The following ANKS1B variants were observed in gnomAD, a reference collection of about 807,000 sequenced individuals.
ANKS1B encodes the protein ankyrin repeat and sterile alpha motif domain containing 1B.
Under a neutral mutation model 148.3 loss-of-function variants are expected in ANKS1B, and 36 were observed. The ratio of observed to expected loss-of-function variants is 0.24; its 90% CI spans 0.19 to 0.32. The LOEUF (loss-of-function observed/expected upper bound fraction) is 0.32. Ranked by LOEUF, ANKS1B falls within the 10% of genes least tolerant of loss-of-function variation. The pLI is 1.00. For synonymous variants in ANKS1B, 542 were observed against 560.8 expected, an observed-to-expected ratio of 0.97 and a Z score of 0.47; for missense variants, 1,157 against 1,542.6, an observed-to-expected ratio of 0.75 and a Z score of 4.19.
Position 99,374,091 on chromosome 12 carries a change from C to A in ANKS1B, c.1756+25540G>T, listed in dbSNP as rs975169101. 2.6e-5 allele frequency among the ~76,000 whole-genome samples: 4 copies of A among 152,078 alleles called. No homozygotes were observed. The South Asian group carries it at 8.3e-4, about 32-fold the overall frequency. On this transcript the variant is annotated intron_variant, in intron 12 of 26. Coordinates refer to ENST00000683438, the MANE Select transcript of ANKS1B (RefSeq NM_001352186.2). Reference sequence around the variant, plus strand: ...CTGATCTAGCTTAGGTTGTTTTAATCCAAAGAATGTGCTGATTGAGACTTT... The same window carrying A: ...CTGATCTAGCTTAGGTTGTTTTAATACAAAGAATGTGCTGATTGAGACTTT...
intron 12 of ANKS1B, among the ~76,000 whole-genome samples, chr12:99,302,594 G>A (rs1005059183): frequency 1.3e-5 from 2 of 152,052 alleles, no homozygotes; most frequent in Non-Finnish European, 2.9e-5. Context: ...GATATGTTAG[G>A]CACATGAATT....
At chr12:99,603,189 G>A (rs2097820336) in intron 9 of ANKS1B, among the ~76,000 whole-genome samples, 1 of 152,024 alleles carries the variant, frequency 6.6e-6, no homozygotes, top group East Asian at 1.9e-4. Context: ...TTACAGGCAT[G>A]TGCATATTGG....
Position 98,949,072 on chromosome 12 carries a change from C to A in ANKS1B, c.2778+104085G>T, listed in dbSNP as rs143526019. 1.0e-4 allele frequency among the ~76,000 whole-genome samples: 15 copies of A among 150,340 alleles called. No individual in the cohort carries two copies. In the East Asian group the frequency reaches 2.8e-3, roughly 28 times the overall value. ...GGTTCAAGGGATTCTCCTGCCTCAGCCTCCCAAGTAGCTGGGACTACAGGC... is the reference window on the plus strand; with the variant it reads ...GGTTCAAGGGATTCTCCTGCCTCAGACTCCCAAGTAGCTGGGACTACAGGC... On this transcript the variant is annotated intron_variant, in intron 17 of 26. Transcript: ENST00000683438.
At chr12:99,722,831 G>T (rs540283813) in intron 8 of ANKS1B, among the ~76,000 whole-genome samples, 1 of 152,338 alleles carries the variant, frequency 6.6e-6, no homozygotes, top group Admixed American at 6.5e-5. Flanking sequence ...AGGTATCCAG[G>T]TTCTCTCATC....
At chr12:99,451,607 TA>T (rs2095738265) in intron 10 of ANKS1B, among the ~76,000 whole-genome samples, 1 of 152,152 alleles carries the variant, frequency 6.6e-6, no homozygotes, top group African/African-American at 2.4e-5. Flanking sequence ...TCAGTTTGAA[TA>T]AAATATAATA....
At chr12:99,498,148 T>C (rs2096621668) in intron 10 of ANKS1B, among the ~76,000 whole-genome samples, 1 of 152,164 alleles carries the variant, frequency 6.6e-6, no homozygotes, top group African/African-American at 2.4e-5. Context: ...TCTTGCTGAG[T>C]GTATGCACTG....
At chr12:99,911,265 T>A (rs2093996779) in intron 1 of ANKS1B, among the ~76,000 whole-genome samples, 1 of 152,174 alleles carries the variant, frequency 6.6e-6, no homozygotes, top group African/African-American at 2.4e-5. Flanking sequence ...CAGACAGGCA[T>A]CTAACAGAGT....
At chr12:99,023,515 T>C (rs2099947021) in intron 17 of ANKS1B, among the ~76,000 whole-genome samples, 1 of 152,052 alleles carries the variant, frequency 6.6e-6, no homozygotes, top group Non-Finnish European at 1.5e-5. Flanking sequence ...CTCCTTCTCT[T>C]AGGTAATATC....
chr12:99,369,717 GATAA>G (rs1418150567), intron 12 of ANKS1B, among the ~76,000 whole-genome samples: 1 of 152,000 alleles, frequency 6.6e-6, no homozygotes, highest in Middle Eastern at 3.4e-3. Context: ...TAGAAAGATA[GATAA>G]ATAGACAGAT....
At position 99,869,376 on chromosome 12, in the gene ANKS1B, A is replaced by G. The variant is rs60085862; in HGVS notation, c.135-43987T>C. ...GAGGGTGCAAAATAGACTCATACAT[A>G]TATTTTAAAAGATTGGGCTGGGCAC... On this transcript the variant is annotated intron_variant, in intron 1 of 26. Transcript: ENST00000683438. Among the ~76,000 whole-genome samples, 1,098 of 152,200 alleles carry G rather than the reference A, an allele frequency of 7.2e-3. 11 individuals carry two copies. Among genetic ancestry groups the G allele is most frequent in the African/African-American group, 0.025 (1,036 of 41,540 alleles).
intron 8 of ANKS1B, among the ~76,000 whole-genome samples, chr12:99,685,013 T>C (rs1294059739): frequency 6.6e-6 from 1 of 152,040 alleles, no homozygotes; most frequent in African/African-American, 2.4e-5. Flanking sequence ...AGAAATTGGC[T>C]TAGGCAAAGA....
chr12:99,396,811 C>T (rs1006566157), intron 12 of ANKS1B, among the ~76,000 whole-genome samples: 7 of 151,984 alleles, frequency 4.6e-5, no homozygotes, highest in Admixed American at 6.6e-5. Flanking sequence ...TGTTGAAAAC[C>T]GATTCTTACC....
At chr12:99,775,115 C>T (rs1367417695) in intron 7 of ANKS1B, among the ~76,000 whole-genome samples, 2 of 151,866 alleles carry the variant, frequency 1.3e-5, no homozygotes, top group South Asian at 2.1e-4. Flanking sequence ...CTATTGTATA[C>T]CTGAAACTTG....
chr12:99,380,956 G>A (rs1009441312), intron 12 of ANKS1B, among the ~76,000 whole-genome samples: 40 of 152,236 alleles, frequency 2.6e-4, no homozygotes, highest in African/African-American at 8.7e-4. Flanking sequence ...GGTGGGCCCC[G>A]AATTCAATGA....
At chr12:99,189,428 A>G (rs182285620) in intron 14 of ANKS1B, among the ~76,000 whole-genome samples, 207 of 152,286 alleles carry the variant, frequency 1.4e-3, no homozygotes, top group African/African-American at 4.8e-3. Context: ...GATGAACATC[A>G]ATGCAAAAAT....
intron 8 of ANKS1B, among the ~76,000 whole-genome samples, chr12:99,695,981 A>C (rs1363519153): frequency 6.6e-6 from 1 of 152,174 alleles, no homozygotes; most frequent in Non-Finnish European, 1.5e-5. Context: ...AAAACTACCT[A>C]CTGGGCACTA....
intron 14 of ANKS1B, among the ~76,000 whole-genome samples, chr12:99,240,462 T>C (rs541320979): frequency 6.6e-6 from 1 of 152,278 alleles, no homozygotes; most frequent in Admixed American, 6.5e-5. Context: ...ACAATAATAA[T>C]GATAGACTTT....
intron 14 of ANKS1B, among the ~76,000 whole-genome samples, chr12:99,225,745 G>A (rs2085827023): frequency 6.6e-6 from 1 of 152,184 alleles, no homozygotes; most frequent in African/African-American, 2.4e-5. Context: ...GATTTGCTAG[G>A]GGCTCTTGGG....
chr12:99,431,051 T>C (rs1184058299), intron 11 of ANKS1B, among the ~76,000 whole-genome samples: 1 of 152,242 alleles, frequency 6.6e-6, no homozygotes, highest in Non-Finnish European at 1.5e-5. Context: ...TAGTGCTTAA[T>C]ACTCACTTAT....
Sources: gnomAD v4.1 joint callset for allele counts (sites outside exome capture counted in the v4.1 genomes callset) on GRCh38, gnomAD v4.1.1 for gene constraint, MANE v1.5 for transcripts, NCBI Gene and HGNC (gene_info 2026-07-23, HGNC 2026-07-21) for gene names.